Variants in EPHA6 observed in about 807,000 individuals in gnomAD.
EPHA6 encodes the protein EPH receptor A6, also known as ephrin type-A receptor 6.
In EPHA6, 50 loss-of-function variants were observed where a neutral mutation model predicts 112.0. The observed-to-expected ratio is 0.45, with a 90% CI of 0.36 to 0.56. The LOEUF is 0.56. Among genes scored for constraint, EPHA6 ranks in the 20% least tolerant of loss-of-function variants. The pLI is 0.00. For missense variants in EPHA6, 1,280 were observed against 1,417.4 expected (o/e 0.90, Z 1.56); for synonymous variants, 529 against 490.7 (o/e 1.08, Z -1.03).
intron 14 of EPHA6, among the ~76,000 whole-genome samples, chr3:97,706,734 GT>G (rs11456198): frequency 6.7e-6 from 1 of 150,226 alleles, no homozygotes; most frequent in Admixed American, 6.6e-5. Context: ...TATTCTGAAG[GT>G]TTTTGCCTCC....
intron 3 of EPHA6, among the ~76,000 whole-genome samples, chr3:97,162,795 A>G (rs578232086): frequency 1.3e-5 from 2 of 152,138 alleles, no homozygotes; most frequent in African/African-American, 2.4e-5. Context: ...CTCTCTGTTT[A>G]TATGATTCAG....
At chr3:96,948,565 G>T (rs2041387112) in intron 2 of EPHA6, among the ~76,000 whole-genome samples, 1 of 152,092 alleles carries the variant, frequency 6.6e-6, no homozygotes, top group Admixed American at 6.6e-5. Flanking sequence ...ATTACACTTT[G>T]ATTAAAATAA....
rs1041844420 is a variant in EPHA6 at position 97,224,871 on chromosome 3, T to C, written c.1115-1393T>C. Among the ~76,000 whole-genome samples, 13 of 152,166 alleles carry C rather than the reference T, an allele frequency of 8.5e-5. 1 individual carries two copies. The highest frequency in any genetic ancestry group is 1.5e-4 in the Non-Finnish European group (10 of 68,024). ...TATGTTAGAATTTTAAATATTGTTA[T>C]AGATTAAAGGTATTACTTCAATTTC... On this transcript the variant is annotated intron_variant, in intron 3 of 17. Coordinates refer to ENST00000389672, the MANE Select transcript of EPHA6 (RefSeq NM_001080448.3).
chr3:97,395,899 G>A (rs556424886), intron 5 of EPHA6, among the ~76,000 whole-genome samples: 2 of 151,642 alleles, frequency 1.3e-5, no homozygotes, highest in Non-Finnish European at 3.0e-5. Flanking sequence ...ATGAGGGAAG[G>A]TGGAAGAGTT....
intron 11 of EPHA6, among the ~76,000 whole-genome samples, chr3:97,547,478 G>T (rs758878410): frequency 3.9e-5 from 6 of 152,256 alleles, no homozygotes; most frequent in East Asian, 1.9e-4. Flanking sequence ...CGCCCATACT[G>T]GGGGGTGCCT....
chr3:97,104,210 T>C (rs1332149927), intron 3 of EPHA6, among the ~76,000 whole-genome samples: 3 of 152,138 alleles, frequency 2.0e-5, no homozygotes, highest in African/African-American at 7.2e-5. Flanking sequence ...AGAGAGGACA[T>C]CCCTGTCTTA....
chr3:97,709,169 A>G (rs2033837597), intron 14 of EPHA6, among the ~76,000 whole-genome samples: 1 of 151,982 alleles, frequency 6.6e-6, no homozygotes, highest in Non-Finnish European at 1.5e-5. Flanking sequence ...AAAAAAAAAA[A>G]AAAGCCACAG....
chr3:97,496,382 C>G (rs1435974666), intron 10 of EPHA6, among the ~76,000 whole-genome samples: 2 of 152,136 alleles, frequency 1.3e-5, no homozygotes, highest in Non-Finnish European at 2.9e-5. Context: ...TTTATCATCA[C>G]AAACCTATAA....
At chr3:97,522,750 TCTTAA>T (rs942577793) in intron 10 of EPHA6, among the ~76,000 whole-genome samples, 1 of 152,170 alleles carries the variant, frequency 6.6e-6, no homozygotes, top group African/African-American at 2.4e-5. Flanking sequence ...CTTTTATTTT[TCTTAA>T]CTTTGTCCTC....
At chr3:96,824,337 C>T (rs1418282790) in intron 1 of EPHA6, among the ~76,000 whole-genome samples, 2 of 151,680 alleles carry the variant, frequency 1.3e-5, no homozygotes, top group Non-Finnish European at 2.9e-5. Context: ...AAATTTTAAA[C>T]ATATTTCTAT....
chr3:96,974,825 A>G (rs1252896767), intron 2 of EPHA6, among the ~76,000 whole-genome samples: 1 of 152,170 alleles, frequency 6.6e-6, no homozygotes, highest in African/African-American at 2.4e-5. Flanking sequence ...TAAGATCCAT[A>G]TAACAATTTA....
At chr3:97,265,751 G>GCTGCTCCTGCAGCCACTC (rs1222692302) in intron 5 of EPHA6, among the ~76,000 whole-genome samples, 1 of 152,200 alleles carries the variant, frequency 6.6e-6, no homozygotes, top group African/African-American at 2.4e-5. Flanking sequence ...CGCTGCCACT[G>GCTGCTCCTGCAGCCACTC]CTGCTCCTGC....
intron 5 of EPHA6, among the ~76,000 whole-genome samples, chr3:97,385,853 A>C (rs2086034721): frequency 6.6e-6 from 1 of 152,186 alleles, no homozygotes; most frequent in Non-Finnish European, 1.5e-5. Flanking sequence ...AGTGTTAAAC[A>C]ACCAGATCTT....
chr3:97,690,990 TTG>T (rs1264537413), intron 14 of EPHA6, among the ~76,000 whole-genome samples: 2 of 152,244 alleles, frequency 1.3e-5, no homozygotes, highest in Admixed American at 1.3e-4. Flanking sequence ...GCTTTTGGTG[TTG>T]TGTCTAAGAA....
At chr3:96,878,565 C>G (rs554684936) in intron 2 of EPHA6, among the ~76,000 whole-genome samples, 1 of 151,910 alleles carries the variant, frequency 6.6e-6, no homozygotes, top group Non-Finnish European at 1.5e-5. Context: ...ACTTAATAGT[C>G]TAGATGCAGA....
chr3:97,113,386 A>G (rs2047781575), intron 3 of EPHA6, among the ~76,000 whole-genome samples: 1 of 152,038 alleles, frequency 6.6e-6, no homozygotes, highest in African/African-American at 2.4e-5. Context: ...CCCATCCTCC[A>G]CAGATTGCTG....
chr3:97,660,525 G>T (rs542191727), intron 14 of EPHA6, among the ~76,000 whole-genome samples: 2 of 152,152 alleles, frequency 1.3e-5, no homozygotes, highest in African/African-American at 2.4e-5. Flanking sequence ...GTGAGGCGGG[G>T]CACAATTTAC....
At chr3:97,194,515 G>C (rs1051538250) in intron 3 of EPHA6, among the ~76,000 whole-genome samples, 1 of 151,998 alleles carries the variant, frequency 6.6e-6, no homozygotes. Context: ...AATGATCTAT[G>C]TGCTGAAGAG....
chr3:97,476,529 C>T (rs1379927510), intron 8 of EPHA6, among the ~76,000 whole-genome samples: 1 of 152,064 alleles, frequency 6.6e-6, no homozygotes, highest in African/African-American at 2.4e-5. Flanking sequence ...TAGGGACCAA[C>T]ATTTTATTAA....
Sources: allele counts gnomAD v4.1 joint callset (sites outside exome capture counted in the v4.1 genomes callset), GRCh38; gene constraint gnomAD v4.1.1; transcripts MANE v1.5; gene names NCBI Gene and HGNC (gene_info 2026-07-23, HGNC 2026-07-21).